Variants in IPO9 observed in about 807,000 individuals in gnomAD.
The protein encoded by IPO9 is importin 9.
Under a neutral mutation model 128.6 loss-of-function variants are expected in IPO9, and 28 were observed. That is an observed-to-expected ratio of 0.22 (90% CI 0.16 to 0.30). The LOEUF (loss-of-function observed/expected upper bound fraction) is 0.30. Ranked by LOEUF, IPO9 falls within the 10% of genes least tolerant of loss-of-function variation. The pLI is 1.00. For synonymous variants in IPO9, 455 were observed against 475.8 expected (o/e 0.96, Z 0.57); for missense variants, 935 against 1,293.9 (o/e 0.72, Z 4.26).
chr1:201,833,227 ATTT>A lies in IPO9; in HGVS notation c.163+3869_163+3871del, dbSNP rs5780090. On this transcript the variant is annotated intron_variant, in intron 1 of 23. Transcript: ENST00000361565. ...TTCATCAGCCTGGTGTCCTGGAATG[ATTT>A]TTTTTTTTTTTTTAATTTTATTTTT... 4.3e-4 allele frequency among the ~76,000 whole-genome samples: 63 copies of A among 147,366 alleles called. 1 individual carries two copies. The highest frequency in any genetic ancestry group is 3.5e-3 in the Middle Eastern group (1 of 288).
At chr1:201,866,185 C>G (rs1680551679) in intron 14 of IPO9, among the ~76,000 whole-genome samples, 3 of 152,102 alleles carry the variant, frequency 2.0e-5, no homozygotes, top group South Asian at 2.1e-4. Flanking sequence ...CATAATATGA[C>G]TTTCTTCTGA....
chr1:201,832,446 G>A (rs1325899601), intron 1 of IPO9, among the ~76,000 whole-genome samples: 5 of 152,022 alleles, frequency 3.3e-5, no homozygotes, highest in Non-Finnish European at 7.4e-5. Flanking sequence ...TTTAGCAGAG[G>A]CGGAGTTTAG....
intron 1 of IPO9, among the ~76,000 whole-genome samples, chr1:201,846,726 A>G (rs3951628): frequency 0.28 from 41,837 of 150,492 alleles, 6,029 homozygotes; most frequent in Non-Finnish European, 0.33. Flanking sequence ...CTGGAGTACA[A>G]TGGTGCGATC....
At chr1:201,863,089 G>A (rs995081809) in intron 13 of IPO9, among the ~76,000 whole-genome samples, 1 of 151,968 alleles carries the variant, frequency 6.6e-6, no homozygotes, top group Non-Finnish European at 1.5e-5. Context: ...GGTGGCTCAT[G>A]CCTGTAATCC....
At chr1:201,839,582 A>AAAAAAAT (rs1558215975) in intron 1 of IPO9, among the ~76,000 whole-genome samples, 2 of 151,272 alleles carry the variant, frequency 1.3e-5, no homozygotes, top group African/African-American at 4.8e-5. Flanking sequence ...AAAAAAAAAA[A>AAAAAAAT]AAGTGCTGCT....
intron 10 of IPO9, 141 bp downstream of exon 10, chr1:201,856,075 T>C (rs546861979): frequency 1.4e-6 from 1 of 690,156 alleles, no homozygotes; most frequent in Admixed American, 3.7e-5. Flanking sequence ...TGGGAAAGGT[T>C]TGACATCATT....
intron 6 of IPO9, among the ~76,000 whole-genome samples, chr1:201,853,715 TAATG>T (rs1212453645): frequency 2.0e-5 from 3 of 152,202 alleles, no homozygotes; most frequent in East Asian, 1.9e-4. Context: ...CACTCCTGGC[TAATG>T]AATGAATGAG....
At chr1:201,845,241 C>G (rs1433388132) in intron 1 of IPO9, among the ~76,000 whole-genome samples, 1 of 152,172 alleles carries the variant, frequency 6.6e-6, no homozygotes, top group Non-Finnish European at 1.5e-5. Context: ...GACTCGAACT[C>G]CAGACCTCAG....
Position 201,863,445 on chromosome 1 carries a change from C to T in IPO9, c.1469-3C>T, listed in dbSNP as rs765079074. 2 of 1,564,868 alleles carry T rather than the reference C, an allele frequency of 1.3e-6. No individual in the cohort carries two copies. Among genetic ancestry groups the T allele is most frequent in the African/African-American group, 1.3e-5 (1 of 74,368 alleles). ...GCCCCTAATTGTTCTGTCTTTCTCC[C>T]AGTGTCTCCTTTCCTCTTGGGCCGG... On this transcript the variant is annotated splice_region_variant and splice_polypyrimidine_tract_variant and intron_variant, in intron 13 of 23. Coordinates refer to ENST00000361565, the MANE Select transcript of IPO9 (RefSeq NM_018085.5).
At chr1:201,871,376 CTTTTTTTTTTT>C (rs556986429) in intron 19 of IPO9, 49 bp downstream of exon 19, 158 of 149,226 alleles carry the variant, frequency 1.1e-3, no homozygotes, top group Middle Eastern at 5.5e-3. Flanking sequence ...ACTCATATTT[CTTTTTTTTTTT>C]TTTTTTTTTT....
Position 201,876,991 on chromosome 1 carries a change from C to T in IPO9, c.*937C>T, listed in dbSNP as rs1430580680. On this transcript the variant is annotated 3_prime_UTR_variant, in exon 24 of 24. Coordinates refer to ENST00000361565, the MANE Select transcript of IPO9 (RefSeq NM_018085.5). ...AGTTGCATGGTATAAGGTGTCTCAG[C>T]ACCTGTTTGCCTTCTATTCCCTTTA... is the stretch of plus-strand genomic sequence containing the variant. 6.6e-6 allele frequency: 1 copy of T among 152,632 alleles called. No individual in the cohort carries two copies. The highest frequency in any genetic ancestry group is 2.4e-5 in the African/African-American group (1 of 41,450). The allele number at this position is 152,632 out of a possible 1,614,324, so 9.5% of individuals were successfully genotyped here.
chr1:201,869,532 G>T, intron 16 of IPO9, 58 bp from the exon 17 acceptor site: 1 of 1,595,802 alleles, frequency 6.3e-7, no homozygotes, highest in Middle Eastern at 1.7e-4. Flanking sequence ...GATCTTGGTT[G>T]TTGGGCAACC....
intron 11 of IPO9, 37 bp downstream of exon 11, chr1:201,857,231 A>T (rs542945903): frequency 1.5e-6 from 2 of 1,315,506 alleles, no homozygotes; most frequent in Non-Finnish European, 2.2e-6. Context: ...CATAATTTCT[A>T]TCAGTCACTT....
intron 16 of IPO9, 144 bp from the exon 17 acceptor site, chr1:201,869,446 T>C (rs1680610695): frequency 6.4e-6 from 6 of 931,460 alleles, no homozygotes; most frequent in Non-Finnish European, 9.6e-6. Flanking sequence ...CCCATTTAAT[T>C]ATTCCTTTTA....
intron 15 of IPO9, among the ~76,000 whole-genome samples, chr1:201,868,197 A>T (rs1680589881): frequency 6.6e-6 from 1 of 152,058 alleles, no homozygotes. Flanking sequence ...AGAGTTCTTC[A>T]TGTCTACCGT....
At chr1:201,855,655 CAGGAATGATCATTAGCA>C (rs1281930198) in intron 9 of IPO9, 111 bp from the exon 10 acceptor site, 1 of 825,244 alleles carries the variant, frequency 1.2e-6, no homozygotes, top group African/African-American at 1.8e-5. Flanking sequence ...CCCAATTCCT[CAGGAATGATCATTAGCA>C]AGTACTTTAA....
intron 4 of IPO9, 71 bp from the exon 5 acceptor site, chr1:201,852,033 A>T: frequency 1.0e-6 from 1 of 985,124 alleles, no homozygotes; most frequent in Non-Finnish European, 1.6e-6. Flanking sequence ...GAAGCAGTTC[A>T]GAAAATATCA....
intron 9 of IPO9, 63 bp from the exon 10 acceptor site, chr1:201,855,720 C>T (rs1680317344): frequency 7.1e-7 from 1 of 1,406,422 alleles, no homozygotes. Flanking sequence ...AGTTCATTTT[C>T]TGCATATATG....
chr1:201,859,054 G>A, intron 13 of IPO9, 60 bp downstream of exon 13: 3 of 1,555,968 alleles, frequency 1.9e-6, no homozygotes, highest in South Asian at 1.2e-5. Flanking sequence ...GGGGTTGGGG[G>A]AGGGATCAGC....
Sources: gnomAD v4.1 joint callset for allele counts (sites outside exome capture counted in the v4.1 genomes callset) on GRCh38, gnomAD v4.1.1 for gene constraint, MANE v1.5 for transcripts, NCBI Gene and HGNC (gene_info 2026-07-23, HGNC 2026-07-21) for gene names.